PLS1: variants seen among roughly 807,000 people sequenced by gnomAD.
PLS1 encodes the protein plastin 1.
PLS1 carries 32 observed loss-of-function variants against 73.7 expected under a neutral mutation model. That is an observed-to-expected ratio of 0.43 (90% confidence interval 0.33 to 0.58). PLS1 has a LOEUF of 0.58. PLS1 is among the 20% of genes least tolerant of loss of function. The pLI is 0.04. For missense variants in PLS1, 633 were observed against 740.5 expected (o/e 0.85, Z 1.68); for synonymous variants, 217 against 261.3 (o/e 0.83, Z 1.63).
chr3:142,621,862 C>T (rs1219522923), intron 1 of PLS1, among the ~76,000 whole-genome samples: 1 of 152,200 alleles, frequency 6.6e-6, no homozygotes, highest in African/African-American at 2.4e-5. Flanking sequence ...GTTAGCAGAA[C>T]TCCATGCAAC....
Position 142,712,119 on chromosome 3 carries a change from T to A in PLS1, c.*112T>A. ...AGATTATTTGTATGCTCAAAATAGT[T>A]ATATATTCATTAATGAATTCAATAT... On this transcript the variant is annotated 3_prime_UTR_variant, in exon 16 of 16. Transcript: ENST00000457734. 1 of 940,820 alleles carries A rather than the reference T, an allele frequency of 1.1e-6. No homozygotes were observed. The highest frequency in any genetic ancestry group is 1.6e-6 in the Non-Finnish European group (1 of 607,688). 58.3% of individuals were successfully genotyped at this position (940,820 alleles called of 1,614,324 possible). A position where few individuals can be genotyped will look rare whatever the true frequency, so the allele number is the denominator to read the frequency against.
chr3:142,615,006 ATCCATCTGCAG>A (rs2036189565), intron 1 of PLS1, among the ~76,000 whole-genome samples: 1 of 152,142 alleles, frequency 6.6e-6, no homozygotes, highest in Admixed American at 6.6e-5. Flanking sequence ...ACAGAGAAGC[ATCCATCTGCAG>A]GATCTGGGTA....
chr3:142,614,071 G>A (rs972955618), intron 1 of PLS1, among the ~76,000 whole-genome samples: 1 of 152,116 alleles, frequency 6.6e-6, no homozygotes, highest in South Asian at 2.1e-4. Flanking sequence ...AAAGAGGATT[G>A]CCTTTTTATT....
intron 8 of PLS1, among the ~76,000 whole-genome samples, chr3:142,684,664 A>T (rs2037926747): frequency 6.6e-6 from 1 of 152,150 alleles, no homozygotes; most frequent in Non-Finnish European, 1.5e-5. Flanking sequence ...ACACTTTCTC[A>T]TTTTTTATGC....
At chr3:142,682,040 A>G (rs1261572379) in intron 6 of PLS1, among the ~76,000 whole-genome samples, 3 of 152,216 alleles carry the variant, frequency 2.0e-5, no homozygotes, top group African/African-American at 7.2e-5. Flanking sequence ...GTAAGAGAAA[A>G]TACTTGCAAA....
intron 1 of PLS1, among the ~76,000 whole-genome samples, chr3:142,663,909 ATCGTGGGG>A (rs2037424611): frequency 6.6e-6 from 1 of 152,210 alleles, no homozygotes; most frequent in Non-Finnish European, 1.5e-5. Context: ...TTTTCTTGAA[ATCGTGGGG>A]TAAAATGCAA....
intron 9 of PLS1, among the ~76,000 whole-genome samples, chr3:142,687,954 T>G (rs2038007189): frequency 6.6e-6 from 1 of 150,956 alleles, no homozygotes; most frequent in South Asian, 2.1e-4. Context: ...TTTGTTTGTT[T>G]TTTTTTTTTT....
intron 5 of PLS1, among the ~76,000 whole-genome samples, chr3:142,677,449 C>A (rs2037746726): frequency 6.6e-6 from 1 of 151,782 alleles, no homozygotes. Context: ...AGTTTGAGAC[C>A]AGCCGGGCCA....
chr3:142,623,962 GA>G (rs753988617), intron 1 of PLS1, among the ~76,000 whole-genome samples: 4 of 152,098 alleles, frequency 2.6e-5, no homozygotes, highest in Non-Finnish European at 5.9e-5. Context: ...GTGCCATCTA[GA>G]ATGTGTGTGT....
chr3:142,601,190 G>T (rs1477616586), intron 1 of PLS1, among the ~76,000 whole-genome samples: 1 of 150,994 alleles, frequency 6.6e-6, no homozygotes, highest in Non-Finnish European at 1.5e-5. Context: ...CTCCCAAAGT[G>T]CTGGGATTAC....
intron 1 of PLS1, among the ~76,000 whole-genome samples, chr3:142,620,284 C>T (rs2036290910): frequency 6.6e-6 from 1 of 152,150 alleles, no homozygotes; most frequent in South Asian, 2.1e-4. Context: ...GCCACCATGC[C>T]TGGCTAATTT....
At chr3:142,668,970 C>T (rs2037541035) in intron 2 of PLS1, among the ~76,000 whole-genome samples, 1 of 152,056 alleles carries the variant, frequency 6.6e-6, no homozygotes, top group Non-Finnish European at 1.5e-5. Flanking sequence ...AGCAACAATA[C>T]CCTTAAAATA....
chr3:142,698,567 A>C (rs1047194786), intron 12 of PLS1: 2 of 152,178 alleles, frequency 1.3e-5, no homozygotes, highest in Non-Finnish European at 2.9e-5. Context: ...AGTTCTAGGG[A>C]AGAAAGTTGA....
chr3:142,687,125 A>G (rs547081747), intron 9 of PLS1, among the ~76,000 whole-genome samples: 1 of 152,236 alleles, frequency 6.6e-6, no homozygotes, highest in African/African-American at 2.4e-5. Flanking sequence ...TATCTAAATC[A>G]GGATGTCCAG....
intron 1 of PLS1, among the ~76,000 whole-genome samples, chr3:142,638,792 A>C (rs1191497868): frequency 6.6e-6 from 1 of 151,702 alleles, no homozygotes; most frequent in Non-Finnish European, 1.5e-5. Context: ...CACAGGCTAG[A>C]GTGTAATGGT....
At chr3:142,678,150 T>G (rs763202519) in intron 6 of PLS1, 37 bp downstream of exon 6, 1 of 990,964 alleles carries the variant, frequency 1.0e-6, no homozygotes, top group Non-Finnish European at 1.5e-6. Context: ...CATGTTACTA[T>G]GCTGAGAAAT....
intron 9 of PLS1, among the ~76,000 whole-genome samples, chr3:142,687,793 A>G (rs1231840379): frequency 6.6e-6 from 1 of 152,160 alleles, no homozygotes; most frequent in African/African-American, 2.4e-5. Flanking sequence ...TAAAACCACA[A>G]TACCTTATCA....
intron 1 of PLS1, among the ~76,000 whole-genome samples, chr3:142,622,414 C>T (rs949324965): frequency 6.6e-6 from 1 of 152,134 alleles, no homozygotes; most frequent in African/African-American, 2.4e-5. Flanking sequence ...TCCATCCCTC[C>T]TTTCACCCTG....
intron 1 of PLS1, among the ~76,000 whole-genome samples, chr3:142,611,175 G>T (rs1045810373): frequency 6.6e-6 from 1 of 152,170 alleles, no homozygotes; most frequent in Non-Finnish European, 1.5e-5. Context: ...TCTCTTAGCT[G>T]TTTAAGAATG....
Sources: gnomAD v4.1 joint callset for allele counts (sites outside exome capture counted in the v4.1 genomes callset) on GRCh38, gnomAD v4.1.1 for gene constraint, MANE v1.5 for transcripts, NCBI Gene and HGNC (gene_info 2026-07-23, HGNC 2026-07-21) for gene names.